PLS3: variants seen among roughly 807,000 people sequenced by gnomAD.
The protein encoded by PLS3 is plastin 3.
PLS3 carries 11 observed loss-of-function variants against 46.5 expected under a neutral mutation model. The ratio of observed to expected loss-of-function variants is 0.24; its 90% CI spans 0.15 to 0.39. PLS3 has a LOEUF of 0.39. PLS3 is among the 10% of genes least tolerant of loss of function. The pLI is 1.00. For synonymous variants in PLS3, 167 were observed against 162.2 expected (o/e 1.03, Z -0.22); for missense variants, 308 against 461.8 (o/e 0.67, Z 3.05).
chrX:115,592,243 T>C (rs781806778), intron 1 of PLS3, among the ~76,000 whole-genome samples: 1 of 112,229 alleles, frequency 8.9e-6, no homozygotes, highest in South Asian at 3.7e-4. Context: ...GATGGCATTA[T>C]GCATGCTTTA....
At chrX:115,648,145 C>G in intron 15 of PLS3, 128 bp downstream of exon 15, 1 of 478,241 alleles carries the variant, frequency 2.1e-6, no homozygotes, top group Non-Finnish European at 3.6e-6. Context: ...CCTCAGATTC[C>G]TCATCAATAA....
chrX:115,609,275 GT>G (rs1460978575), intron 1 of PLS3, among the ~76,000 whole-genome samples: 4 of 110,889 alleles, frequency 3.6e-5, no homozygotes, highest in Non-Finnish European at 5.7e-5. Context: ...GATCAGCAAA[GT>G]TTTTCCATAT....
At chrX:115,620,465 C>T (rs2074637598) in intron 2 of PLS3, among the ~76,000 whole-genome samples, 1 of 110,286 alleles carries the variant, frequency 9.1e-6, no homozygotes, top group African/African-American at 3.3e-5. Flanking sequence ...ACCATCCCTG[C>T]CCCCCAATAT....
At chrX:115,567,662 A>G (rs1238301856) in intron 1 of PLS3, among the ~76,000 whole-genome samples, 1 of 109,725 alleles carries the variant, frequency 9.1e-6, no homozygotes, top group African/African-American at 3.3e-5. Flanking sequence ...GTTGAAAAAT[A>G]AACACCTTCA....
At chrX:115,599,088 TATC>T (rs2147461611) in intron 1 of PLS3, among the ~76,000 whole-genome samples, 1 of 111,328 alleles carries the variant, frequency 9.0e-6, no homozygotes, top group South Asian at 3.7e-4. Context: ...TATTTCTCGA[TATC>T]ATGGTCATAT....
intron 9 of PLS3, among the ~76,000 whole-genome samples, chrX:115,640,868 G>C (rs111557589): frequency 0.015 from 1,643 of 111,553 alleles, 28 homozygotes; most frequent in African/African-American, 0.05. Context: ...CACAGTAATA[G>C]ATTTAGTGAC....
chrX:115,589,029 C>G (rs1179471403), intron 1 of PLS3, among the ~76,000 whole-genome samples: 1 of 111,732 alleles, frequency 8.9e-6, no homozygotes, highest in Admixed American at 9.5e-5. Flanking sequence ...CTTGCTCTGT[C>G]CGTGCAGTGG....
intron 1 of PLS3, among the ~76,000 whole-genome samples, chrX:115,562,049 G>C (rs373412024): frequency 5.4e-5 from 6 of 110,434 alleles, no homozygotes; most frequent in African/African-American, 1.6e-4. Context: ...CCGGGCGCGC[G>C]GTCGGGGCGG....
intron 2 of PLS3, among the ~76,000 whole-genome samples, chrX:115,615,264 A>G (rs782114037): frequency 4.5e-5 from 5 of 110,919 alleles, no homozygotes; most frequent in Non-Finnish European, 7.5e-5. Flanking sequence ...AGCTTAAATA[A>G]CAGGATGCAA....
chrX:115,602,205 TC>T (rs2074451885), intron 1 of PLS3, among the ~76,000 whole-genome samples: 1 of 111,754 alleles, frequency 8.9e-6, no homozygotes, highest in South Asian at 3.7e-4. Flanking sequence ...TCCATCTGTT[TC>T]CCCCACTAGA....
intron 8 of PLS3, among the ~76,000 whole-genome samples, chrX:115,637,599 T>C (rs782100544): frequency 9.0e-6 from 1 of 111,727 alleles, no homozygotes; most frequent in African/African-American, 3.3e-5. Context: ...AAACTAACAA[T>C]GGAGGAAGAC....
intron 5 of PLS3, among the ~76,000 whole-genome samples, chrX:115,630,180 C>T (rs1212037292): frequency 1.8e-5 from 2 of 111,255 alleles, no homozygotes; most frequent in Non-Finnish European, 3.8e-5. Flanking sequence ...AAGCTCTCAG[C>T]CTCCATTTTC....
intron 1 of PLS3, among the ~76,000 whole-genome samples, chrX:115,574,462 G>T (rs2074235867): frequency 8.9e-6 from 1 of 112,291 alleles, no homozygotes; most frequent in Non-Finnish European, 1.9e-5. Context: ...TGAATATTAT[G>T]AGTGAATGTT....
rs782169641 is a variant in PLS3 at position 115,649,419 on chromosome X, C to T, written c.1761-10C>T. 2 of 1,193,279 alleles carry T rather than the reference C, an allele frequency of 1.7e-6. No homozygotes were observed. Among genetic ancestry groups the T allele is most frequent in the South Asian group, 3.8e-5 (2 of 53,321 alleles). On this transcript the variant is annotated splice_polypyrimidine_tract_variant and intron_variant, in intron 15 of 15. Transcript: ENST00000355899. ...GAATTTCATCCTGATTTTGTTTCCC[C>T]CTAAAATAGGTATGCAGTGTCAATG...
intron 1 of PLS3, among the ~76,000 whole-genome samples, chrX:115,574,101 C>T (rs141734271): frequency 9.6e-4 from 107 of 111,699 alleles, no homozygotes; most frequent in African/African-American, 3.3e-3. Context: ...GTACTGTGAC[C>T]ACTGTATATG....
At chrX:115,577,115 C>T (rs1282141288) in intron 1 of PLS3, among the ~76,000 whole-genome samples, 1 of 111,699 alleles carries the variant, frequency 9.0e-6, no homozygotes, top group Non-Finnish European at 1.9e-5. Context: ...TGTTTAGTAG[C>T]AGTGCCTCTT....
At chrX:115,610,483 A>C (rs1556635971) in intron 2 of PLS3, among the ~76,000 whole-genome samples, 160 bp downstream of exon 2, 1 of 103,289 alleles carries the variant, frequency 9.7e-6, no homozygotes, top group Admixed American at 1.0e-4. Flanking sequence ...AAATTGTTTT[A>C]TTTCTTTTTT....
chrX:115,622,523 T>C, intron 3 of PLS3, 114 bp downstream of exon 3: 2 of 407,485 alleles, frequency 4.9e-6, no homozygotes, highest in Non-Finnish European at 8.2e-6. Context: ...ATATTAGTAC[T>C]GTTATAACAT....
chrX:115,592,700 G>A (rs1045608858), intron 1 of PLS3, among the ~76,000 whole-genome samples: 2 of 111,510 alleles, frequency 1.8e-5, no homozygotes, highest in Non-Finnish European at 1.9e-5. Flanking sequence ...CTTACCATGC[G>A]CCAGACTATG....
Sources: gnomAD v4.1 joint callset for allele counts (sites outside exome capture counted in the v4.1 genomes callset) on GRCh38, gnomAD v4.1.1 for gene constraint, MANE v1.5 for transcripts, NCBI Gene and HGNC (gene_info 2026-07-23, HGNC 2026-07-21) for gene names.